GABRG3: variants seen among roughly 807,000 people sequenced by gnomAD.
The protein encoded by GABRG3 is gamma-aminobutyric acid receptor subunit gamma-3.
In GABRG3, 25 loss-of-function variants were observed where a neutral mutation model predicts 48.8. That is an observed-to-expected ratio of 0.51 (90% CI 0.37 to 0.72). The LOEUF is 0.72. Ranked by LOEUF, GABRG3 falls within the 30% of genes least tolerant of loss-of-function variation. The pLI is 0.00. For synonymous variants in GABRG3, 227 were observed against 217.6 expected, an observed-to-expected ratio of 1.04 and a Z score of -0.38; for missense variants, 394 against 577.9, an observed-to-expected ratio of 0.68 and a Z score of 3.26.
intron 3 of GABRG3, among the ~76,000 whole-genome samples, chr15:27,226,715 G>A (rs1203565411): frequency 6.6e-6 from 1 of 152,224 alleles, no homozygotes; most frequent in African/African-American, 2.4e-5. Flanking sequence ...GGAGTGACGG[G>A]CACATAACTC....
chr15:27,446,210 C>T (rs929174764), intron 5 of GABRG3, among the ~76,000 whole-genome samples: 8 of 152,140 alleles, frequency 5.3e-5, no homozygotes, highest in South Asian at 2.1e-4. Flanking sequence ...TAAATTGCAT[C>T]GTATCTATAG....
At chr15:27,408,686 CA>C (rs1267760949) in intron 5 of GABRG3, among the ~76,000 whole-genome samples, 2 of 152,134 alleles carry the variant, frequency 1.3e-5, no homozygotes, top group Non-Finnish European at 2.9e-5. Flanking sequence ...CTGCAGAGGA[CA>C]ATAGAATTTC....
intron 6 of GABRG3, among the ~76,000 whole-genome samples, chr15:27,502,817 A>G (rs983256409): frequency 1.3e-5 from 2 of 152,232 alleles, no homozygotes; most frequent in Admixed American, 6.5e-5. Context: ...TGATGAAGAG[A>G]TACGTAGGGC....
intron 5 of GABRG3, among the ~76,000 whole-genome samples, chr15:27,387,254 T>A (rs1181804593): frequency 1.9e-5 from 1 of 52,734 alleles, no homozygotes; most frequent in South Asian, 8.2e-4. Context: ...GTAATTCACG[T>A]TTTTTTTTTT....
chr15:27,155,403 C>T (rs1205589502), intron 3 of GABRG3, among the ~76,000 whole-genome samples: 1 of 152,042 alleles, frequency 6.6e-6, no homozygotes, highest in African/African-American at 2.4e-5. Context: ...AACATCTTTG[C>T]CTTCTTGGTA....
At chr15:27,136,005 A>C (rs1277685199) in intron 3 of GABRG3, among the ~76,000 whole-genome samples, 1 of 152,204 alleles carries the variant, frequency 6.6e-6, no homozygotes, top group Non-Finnish European at 1.5e-5. Flanking sequence ...ATGCTCAGAA[A>C]GCTCAGTTCC....
At chr15:27,327,757 A>ATC (rs1893665554) in intron 4 of GABRG3, among the ~76,000 whole-genome samples, 1 of 152,106 alleles carries the variant, frequency 6.6e-6, no homozygotes, top group South Asian at 2.1e-4. Context: ...CCCTGGGTGC[A>ATC]TCTAGGCTTT....
chr15:27,196,320 C>G (rs1888494652), intron 3 of GABRG3, among the ~76,000 whole-genome samples: 7 of 152,128 alleles, frequency 4.6e-5, no homozygotes, highest in Admixed American at 4.6e-4. Flanking sequence ...CTCAGCCCTC[C>G]CAGAGCCCTC....
intron 9 of GABRG3, chr15:27,530,707 G>C (rs112947792): frequency 6.4e-6 from 3 of 470,820 alleles, no homozygotes; most frequent in Non-Finnish European, 1.3e-5. Flanking sequence ...CTGCCTCCCC[G>C]TCTAAGTCAG....
In GABRG3 at chr15:27,540,385, A is replaced by G. The variant is rs1891638061; in HGVS notation, c.*7504A>G. ...AAATACATGCATCTTTGGAAACTGC[A>G]AATTTTGTGAGCTCAAAAAGACAAT... is the stretch of plus-strand genomic sequence containing the variant. On this transcript the variant is annotated 3_prime_UTR_variant, in exon 10 of 10. Transcript: ENST00000615808. The G allele has an allele frequency of 6.6e-6, 1 of 152,192 alleles. No individual in the cohort carries two copies. The highest frequency in any genetic ancestry group is 2.1e-4 in the South Asian group (1 of 4,828). 9.4% of individuals were successfully genotyped at this position (152,192 alleles called of 1,614,324 possible).
At chr15:27,054,999 A>C (rs1365785341) in intron 3 of GABRG3, among the ~76,000 whole-genome samples, 1 of 122,350 alleles carries the variant, frequency 8.2e-6, no homozygotes, top group Non-Finnish European at 1.7e-5. Flanking sequence ...CCCAAGGGCC[A>C]AGACCTGTTT....
chr15:27,031,290 A>G (rs1896082330), intron 3 of GABRG3, among the ~76,000 whole-genome samples: 1 of 152,196 alleles, frequency 6.6e-6, no homozygotes, highest in African/African-American at 2.4e-5. Flanking sequence ...GAACAGTGGC[A>G]CTGCCCTTAA....
At chr15:27,176,554 G>A (rs564917541) in intron 3 of GABRG3, among the ~76,000 whole-genome samples, 2 of 152,290 alleles carry the variant, frequency 1.3e-5, no homozygotes, top group African/African-American at 4.8e-5. Flanking sequence ...AAAGGCATGA[G>A]TGATCCTGTG....
At chr15:27,514,605 G>A (rs8042799) in intron 6 of GABRG3, among the ~76,000 whole-genome samples, 11,146 of 152,164 alleles carry the variant, frequency 0.073, 808 homozygotes, top group African/African-American at 0.19. Context: ...CATCTTTGCC[G>A]TATAAAGAAA....
chr15:27,525,184 A>C (rs552921163), intron 7 of GABRG3, among the ~76,000 whole-genome samples: 2 of 106,136 alleles, frequency 1.9e-5, no homozygotes, highest in East Asian at 7.0e-4. Flanking sequence ...TGAATGAAAA[A>C]AAAACAAAGC....
chr15:27,166,555 A>T (rs1222740523), intron 3 of GABRG3, among the ~76,000 whole-genome samples: 2 of 152,070 alleles, frequency 1.3e-5, no homozygotes, highest in Non-Finnish European at 2.9e-5. Flanking sequence ...TGGCCCATGC[A>T]TGAAGGCCGT....
At chr15:27,113,261 C>T (rs1595532078) in intron 3 of GABRG3, among the ~76,000 whole-genome samples, 2 of 152,108 alleles carry the variant, frequency 1.3e-5, no homozygotes, top group Admixed American at 1.3e-4. Context: ...TTTCCCTGTA[C>T]ATTCTTTCTG....
At chr15:27,246,403 A>G (rs73359699) in intron 3 of GABRG3, among the ~76,000 whole-genome samples, 3,707 of 152,312 alleles carry the variant, frequency 0.024, 84 homozygotes, top group African/African-American at 0.068. Context: ...TTCTACATAT[A>G]TACTTATTCC....
chr15:27,513,654 G>C (rs959116337), intron 6 of GABRG3, among the ~76,000 whole-genome samples: 2 of 151,582 alleles, frequency 1.3e-5, no homozygotes, highest in African/African-American at 4.9e-5. Context: ...ACGAGGAAAA[G>C]AATAAAACAA....
Sources: allele counts gnomAD v4.1 joint callset (sites outside exome capture counted in the v4.1 genomes callset), GRCh38; gene constraint gnomAD v4.1.1; transcripts MANE v1.5; gene names NCBI Gene and HGNC (gene_info 2026-07-23, HGNC 2026-07-21).